Variants in PCDHGB7 observed in about 807,000 individuals in gnomAD.
PCDHGB7 encodes protocadherin gamma-B7.
A neutral mutation model predicts 61.4 loss-of-function variants in PCDHGB7; 37 were observed. That is an observed-to-expected ratio of 0.60 (90% CI 0.46 to 0.79). The LOEUF (loss-of-function observed/expected upper bound fraction) is 0.79. PCDHGB7 is among the 30% of genes least tolerant of loss of function. The probability of loss-of-function intolerance (pLI) is 0.00; values close to 1 mark genes in which losing one functional copy is unlikely to be tolerated. For missense variants in PCDHGB7, 1,166 were observed against 1,202.5 expected (o/e 0.97, Z 0.45); for synonymous variants, 464 against 503.5 (o/e 0.92, Z 1.05).
Position 141,424,000 on chromosome 5 carries a change from A to G in PCDHGB7, c.2415+3726A>G, listed in dbSNP as rs2096794510. On this transcript the variant is annotated intron_variant, in intron 1 of 3. Coordinates refer to ENST00000398594, the MANE Select transcript of PCDHGB7 (RefSeq NM_018927.4). ...ATGAGGCTCTCAATTTATTATATAT[A>G]GATACAAATTAATGATTCACAAACA... 5 of 1,076,368 alleles carry G rather than the reference A, an allele frequency of 4.6e-6. No homozygotes were observed. In the South Asian group the frequency reaches 1.4e-4, roughly 30 times the overall value. 66.7% of individuals were successfully genotyped at this position (1,076,368 alleles called of 1,614,324 possible).
intron 1 of PCDHGB7, chr5:141,478,511 C>CA: frequency 3.1e-6 from 5 of 1,611,778 alleles, no homozygotes; most frequent in Non-Finnish European, 4.2e-6. Context: ...GTTCTATAGG[C>CA]AGGTGTTGGG....
chr5:141,423,874 A>G (rs1264795133), intron 1 of PCDHGB7: 2 of 1,283,268 alleles, frequency 1.6e-6, no homozygotes, highest in East Asian at 3.1e-5. Context: ...GTCATTTTTC[A>G]ATCTTGGCAT....
chr5:141,474,093 C>G (rs2099341169), intron 1 of PCDHGB7, among the ~76,000 whole-genome samples: 1 of 152,098 alleles, frequency 6.6e-6, no homozygotes, highest in African/African-American at 2.4e-5. Flanking sequence ...AAAAAACAAA[C>G]AACAACAAAA....
intron 1 of PCDHGB7, among the ~76,000 whole-genome samples, chr5:141,445,871 T>C (rs1318495005): frequency 6.6e-6 from 1 of 152,198 alleles, no homozygotes; most frequent in Non-Finnish European, 1.5e-5. Context: ...TTGTTCTAAA[T>C]ACCCTTGTAC....
In PCDHGB7 at chr5:141,477,292, A is replaced by G; in HGVS notation, c.2416-17515A>G. The G allele has an allele frequency of 1.2e-6, 2 of 1,614,114 alleles. No individual in the cohort carries two copies. The highest frequency in any genetic ancestry group is 4.5e-5 in the East Asian group (2 of 44,862). On this transcript the variant is annotated intron_variant, in intron 1 of 3. Transcript: ENST00000398594. The surrounding 1 kb of genome is among the most constrained non-coding windows in gnomAD (Gnocchi z 4.9). ...ACGGGCTGGTGACCTGCGAAGTTCCACCGGGTCTCCCTTTCAGCCTTACTT... is the reference window on the plus strand; with the variant it reads ...ACGGGCTGGTGACCTGCGAAGTTCCGCCGGGTCTCCCTTTCAGCCTTACTT...
chr5:141,419,315 C>A lies in PCDHGB7; in HGVS notation c.1456C>A (p.Arg486Ser), dbSNP rs2096357855. ...TGACCCAGACTTCGGGCTCAACGGC[C>A]GTGTCTCCTACTCTCTCATTGCCAG... ...ASDPDFGLNG[R>S]VSYSLIASDL... The change falls in exon 1 of 4, where the codon CGT becomes AGT. Residue 486 changes from arginine to serine, a missense_variant. By Grantham distance (110) the Arg-to-Ser change is moderately radical. Transcript: ENST00000398594. 3 of 1,613,880 alleles carry A rather than the reference C, an allele frequency of 1.9e-6. No homozygotes were observed. Among genetic ancestry groups the A allele is most frequent in the Non-Finnish European group, 2.5e-6 (3 of 1,179,910 alleles).
chr5:141,500,139 CT>C (rs2099796692), intron 2 of PCDHGB7, among the ~76,000 whole-genome samples: 2 of 151,768 alleles, frequency 1.3e-5, no homozygotes, highest in East Asian at 3.9e-4. Context: ...TCTTTCTAAA[CT>C]TTTCTTTGTG....
At chr5:141,444,380 A>G (rs1475986922) in intron 1 of PCDHGB7, among the ~76,000 whole-genome samples, 1 of 151,876 alleles carries the variant, frequency 6.6e-6, no homozygotes, top group Non-Finnish European at 1.5e-5. Context: ...CATGTTGGTC[A>G]GGCTAGTCTT....
chr5:141,452,929 G>A (rs2154564099), intron 1 of PCDHGB7, among the ~76,000 whole-genome samples: 1 of 152,310 alleles, frequency 6.6e-6, no homozygotes, highest in Admixed American at 6.5e-5. Flanking sequence ...AAGAGCTGCT[G>A]AAGATTTGCT....
rs147534370 is a variant in PCDHGB7 at position 141,511,170 on chromosome 5, G to A, written c.2787G>A (p.Lys929=). ...AGAAGTCGGGCAAGAAGGAGAAGAA[G>A]TAACATGGAGGCCAGGCCAAGAGCC... ...NKKKSGKKEK[K] The change falls in exon 4 of 4, where the codon AAG becomes AAA. Residue 929 remains lysine (K), a synonymous_variant. Coordinates refer to ENST00000398594, the MANE Select transcript of PCDHGB7 (RefSeq NM_018927.4). 1.9e-6 allele frequency: 3 copies of A among 1,613,988 alleles called. No homozygotes were observed. The highest frequency in any genetic ancestry group is 2.5e-6 in the Non-Finnish European group (3 of 1,179,990).
rs772043134 is a variant in PCDHGB7, at chr5:141,432,746, G to A, written c.2415+12472G>A. 1.2e-6 allele frequency: 2 copies of A among 1,614,098 alleles called. No homozygotes were observed. Among genetic ancestry groups the A allele is most frequent in the East Asian group, 4.5e-5 (2 of 44,860 alleles). On this transcript the variant is annotated intron_variant, in intron 1 of 3. Coordinates refer to ENST00000398594, the MANE Select transcript of PCDHGB7 (RefSeq NM_018927.4). The surrounding 1 kb of genome is among the most constrained non-coding windows in gnomAD (Gnocchi z 6.0). ...CTCCGCCACTGTCACGCTCACCGTGGCCGTGGCCGACAGCATCCCCCAAGT... is the reference window on the plus strand; with the variant it reads ...CTCCGCCACTGTCACGCTCACCGTGACCGTGGCCGACAGCATCCCCCAAGT...
At chr5:141,501,997 C>A (rs2099812238) in intron 2 of PCDHGB7, among the ~76,000 whole-genome samples, 1 of 152,128 alleles carries the variant, frequency 6.6e-6, no homozygotes, top group Non-Finnish European at 1.5e-5. Context: ...GTCTCCCTGA[C>A]AACCCGCATG....
Position 141,431,698 on chromosome 5 carries a change from A to ATTC in PCDHGB7, c.2415+11426_2415+11428dup. 6.2e-7 allele frequency: 1 copy of ATTC among 1,614,222 alleles called. No homozygotes were observed. Among genetic ancestry groups the ATTC allele is most frequent in the Non-Finnish European group, 8.5e-7 (1 of 1,180,036 alleles). The stretch of plus-strand genomic sequence containing the variant: ...GGGAGTTGGACCACGAGGAGTCAGG[A>ATTC]TTCTACCAGATGGAAGTGCAAGCAA... On this transcript the variant is annotated intron_variant, in intron 1 of 3. Coordinates refer to ENST00000398594, the MANE Select transcript of PCDHGB7 (RefSeq NM_018927.4). This position sits in a 1 kb window ranked among gnomAD's most constrained non-coding sequence, Gnocchi z 4.8.
chr5:141,502,750 A>G (rs974131144), intron 2 of PCDHGB7, among the ~76,000 whole-genome samples: 3 of 151,928 alleles, frequency 2.0e-5, no homozygotes, highest in Non-Finnish European at 4.4e-5. Context: ...TTCCTTCTAC[A>G]TGTATTTGCT....
Position 141,491,758 on chromosome 5 carries a change from C to A in PCDHGB7, c.2416-3049C>A. The stretch of plus-strand genomic sequence containing the variant: ...TGGGGGCGGCACTGGAGAAGCCGCC[C>A]GTCCTCATAAGGGATTGAACTTGCA... On this transcript the variant is annotated intron_variant, in intron 1 of 3. Coordinates refer to ENST00000398594, the MANE Select transcript of PCDHGB7 (RefSeq NM_018927.4). This position sits in a 1 kb window ranked among gnomAD's most constrained non-coding sequence, Gnocchi z 6.9. 6.3e-7 allele frequency: 1 copy of A among 1,578,788 alleles called. No homozygotes were observed. Among genetic ancestry groups the A allele is most frequent in the Non-Finnish European group, 8.6e-7 (1 of 1,163,522 alleles).
At position 141,422,108 on chromosome 5, in the gene PCDHGB7, A is replaced by G. The variant is rs766617894; in HGVS notation, c.2415+1834A>G. 4.4e-6 allele frequency: 7 copies of G among 1,606,984 alleles called. No homozygotes were observed. In the East Asian group the frequency reaches 1.6e-4, roughly 36 times the overall value. ...GAAAGCAAGGCTTCTGAAATATTCCAATTGGATTCACAAACTGGAGAAGTT... is the reference window on the plus strand; with the variant it reads ...GAAAGCAAGGCTTCTGAAATATTCCGATTGGATTCACAAACTGGAGAAGTT... On this transcript the variant is annotated intron_variant, in intron 1 of 3. Transcript: ENST00000398594.
At chr5:141,441,730 A>T in intron 1 of PCDHGB7, 1 of 362,750 alleles carries the variant, frequency 2.8e-6, no homozygotes, top group South Asian at 2.2e-5. Context: ...CGCGACCAGG[A>T]CTAGCTCGCG....
chr5:141,419,997 T>C lies in PCDHGB7; in HGVS notation c.2138T>C (p.Leu713Pro). Residue 713 changes from leucine to proline, a missense_variant, in exon 1 of 4, where the codon CTA (leucine) becomes CCA (proline). By Grantham distance (98) the Leu-to-Pro change is moderately conservative (BLOSUM62 -3). Coordinates refer to ENST00000398594, the MANE Select transcript of PCDHGB7 (RefSeq NM_018927.4). The stretch of plus-strand genomic sequence containing the variant: ...CTCGCGGTGATTCTAGCTATTGCTC[T>C]ACGCCTGCGACAGTCTTTCAGCCCT... ...FLLAVILAIA[L>P]RLRQSFSPTA... 2.5e-6 allele frequency: 4 copies of C among 1,614,088 alleles called. No individual in the cohort carries two copies. The highest frequency in any genetic ancestry group is 3.4e-6 in the Non-Finnish European group (4 of 1,179,912).
chr5:141,424,149 G>T, intron 1 of PCDHGB7: 1 of 324,612 alleles, frequency 3.1e-6, no homozygotes. Flanking sequence ...GCTCCCTCTA[G>T]CTCTCCTTCT....
Sources: gnomAD v4.1 joint callset for allele counts (sites outside exome capture counted in the v4.1 genomes callset) on GRCh38, gnomAD v4.1.1 for gene constraint, Gnocchi (gnomAD v3.1) non-coding constraint, MANE v1.5 for transcripts, NCBI Gene and HGNC (gene_info 2026-07-23, HGNC 2026-07-21) for gene names.